PLEKHA8: variants seen among roughly 807,000 people sequenced by gnomAD.
PLEKHA8 encodes pleckstrin homology domain-containing family A member 8.
In PLEKHA8, 36 loss-of-function variants were observed where a neutral mutation model predicts 68.2. The observed-to-expected ratio is 0.53, with a 90% CI of 0.40 to 0.70. The LOEUF (loss-of-function observed/expected upper bound fraction) is 0.70, where lower values mean the gene tolerates loss of function less well. Among genes scored for constraint, PLEKHA8 ranks in the 30% least tolerant of loss-of-function variants. The pLI is 0.00. For missense variants in PLEKHA8, 505 were observed against 615.4 expected (o/e 0.82, Z 1.90); for synonymous variants, 211 against 216.1 (o/e 0.98, Z 0.20).
At chr7:30,030,116 A>G (rs1258747052) in intron 1 of PLEKHA8, among the ~76,000 whole-genome samples, 4 of 152,190 alleles carry the variant, frequency 2.6e-5, no homozygotes, top group African/African-American at 9.6e-5. Flanking sequence ...ACCTAAGGGG[A>G]GGAGGCTCGA....
intron 11 of PLEKHA8, 26 bp from the exon 12 acceptor site, chr7:30,062,646 A>G (rs1475183996): frequency 6.4e-7 from 1 of 1,550,632 alleles, no homozygotes; most frequent in Non-Finnish European, 8.9e-7. Flanking sequence ...TTTGAAAATA[A>G]TATTTCTTCC....
intron 12 of PLEKHA8, 74 bp downstream of exon 12, chr7:30,062,816 T>A: frequency 9.4e-7 from 1 of 1,064,966 alleles, no homozygotes; most frequent in African/African-American, 1.6e-5. Flanking sequence ...GGATACAGGG[T>A]ATAGGGGATA....
chr7:30,115,591 G>T (rs13244391), intron 13 of PLEKHA8, among the ~76,000 whole-genome samples: 1 of 130,650 alleles, frequency 7.7e-6, no homozygotes, highest in African/African-American at 2.6e-5. Context: ...TATACATGTA[G>T]ACATGTATAC....
chr7:30,047,693 C>G, intron 3 of PLEKHA8, 139 bp from the exon 4 acceptor site: 1 of 842,542 alleles, frequency 1.2e-6, no homozygotes, highest in Non-Finnish European at 1.7e-6. Context: ...CATTTGCAAC[C>G]CATACTTTAA....
chr7:30,074,581 T>C (rs1022824411), intron 13 of PLEKHA8, among the ~76,000 whole-genome samples: 11 of 152,140 alleles, frequency 7.2e-5, no homozygotes, highest in Admixed American at 5.9e-4. Flanking sequence ...ATACTTATCA[T>C]TGAAGGGAAA....
At chr7:30,078,251 T>C (rs540125171) in intron 13 of PLEKHA8, among the ~76,000 whole-genome samples, 1 of 152,244 alleles carries the variant, frequency 6.6e-6, no homozygotes, top group Admixed American at 6.5e-5. Flanking sequence ...GCATATAGAT[T>C]CTGAGGATTT....
At chr7:30,113,187 C>T (rs1370792085) in intron 13 of PLEKHA8, among the ~76,000 whole-genome samples, 2 of 152,120 alleles carry the variant, frequency 1.3e-5, no homozygotes, top group East Asian at 3.9e-4. Context: ...TTAGTTCTTG[C>T]TTTCTGCATC....
intron 13 of PLEKHA8, among the ~76,000 whole-genome samples, chr7:30,108,083 A>AC (rs1554281877): frequency 1.4e-5 from 2 of 144,460 alleles, no homozygotes; most frequent in African/African-American, 2.5e-5. Context: ...AAAAAAAAAA[A>AC]AAAAAAAAAC....
At chr7:30,056,789 A>G (rs866973373) in intron 9 of PLEKHA8, among the ~76,000 whole-genome samples, 46 of 135,208 alleles carry the variant, frequency 3.4e-4, no homozygotes, top group South Asian at 1.6e-3. Flanking sequence ...GTGTGTGTAT[A>G]TATATATGTT....
intron 13 of PLEKHA8, among the ~76,000 whole-genome samples, chr7:30,110,596 C>T (rs1043191556): frequency 3.9e-5 from 6 of 152,148 alleles, no homozygotes; most frequent in Admixed American, 6.5e-5. Flanking sequence ...GAGGAACTTC[C>T]GAAGTGTTTT....
At position 30,084,206 on chromosome 7, in the gene PLEKHA8, G is replaced by T. The variant is rs1562540298; in HGVS notation, c.*5419G>T. On this transcript the variant is annotated 3_prime_UTR_variant, in exon 14 of 14. Coordinates refer to ENST00000449726, the MANE Select transcript of PLEKHA8 (RefSeq NM_001197026.2). ...TAGACCAGATGCCAAAGGCTAAAAT[G>T]TACATAGATTTCCTTGGATTAATTT... is the stretch of plus-strand genomic sequence containing the variant. 11 of 985,212 alleles carry T rather than the reference G, an allele frequency of 1.1e-5. No individual in the cohort carries two copies. The highest frequency in any genetic ancestry group is 1.3e-5 in the Non-Finnish European group (11 of 829,738). The allele number at this position is 985,212 out of a possible 1,614,324, so 61.0% of individuals were successfully genotyped here.
chr7:30,114,552 T>C (rs1459040065), intron 13 of PLEKHA8, among the ~76,000 whole-genome samples: 2 of 152,248 alleles, frequency 1.3e-5, no homozygotes, highest in African/African-American at 4.8e-5. Context: ...AGCATGTTTA[T>C]TTTACATTCC....
intron 13 of PLEKHA8, among the ~76,000 whole-genome samples, chr7:30,115,606 ATT>A (rs1158870504): frequency 6.6e-6 from 1 of 150,836 alleles, no homozygotes; most frequent in Non-Finnish European, 1.5e-5. Flanking sequence ...GTATACATAC[ATT>A]TATACATGCA....
intron 12 of PLEKHA8, among the ~76,000 whole-genome samples, chr7:30,071,448 G>A (rs1319031284): frequency 6.6e-6 from 1 of 152,136 alleles, no homozygotes; most frequent in Non-Finnish European, 1.5e-5. Flanking sequence ...AATTCTTTGT[G>A]TCCACACGCC....
chr7:30,095,432 A>G (rs991022018), downstream of PLEKHA8, among the ~76,000 whole-genome samples: 64 of 152,120 alleles, frequency 4.2e-4, no homozygotes, highest in African/African-American at 1.4e-3. Flanking sequence ...TTAGCCCTTT[A>G]TCAGATGAGT....
At chr7:30,078,497 G>T in intron 13 of PLEKHA8, 93 bp from the exon 14 acceptor site, 1 of 1,320,768 alleles carries the variant, frequency 7.6e-7, no homozygotes, top group Non-Finnish European at 1.1e-6. Context: ...GTTTGTATGT[G>T]TGAAAGTATG....
intron 7 of PLEKHA8, among the ~76,000 whole-genome samples, chr7:30,053,475 TAAG>T (rs1331859417): frequency 6.6e-6 from 1 of 152,184 alleles, no homozygotes; most frequent in Admixed American, 6.5e-5. Context: ...TACCTTGAAA[TAAG>T]AGACCTTATT....
In PLEKHA8 at chr7:30,118,197, G is replaced by C. The variant is rs1381689696; in HGVS notation, c.1363-11069G>C. 7 of 437,728 alleles carry C rather than the reference G, an allele frequency of 1.6e-5. No homozygotes were observed. The Admixed American group carries it at 2.2e-4, about 14-fold the overall frequency. 27.1% of individuals were successfully genotyped at this position (437,728 alleles called of 1,614,324 possible). On this transcript the variant is annotated intron_variant, in intron 13 of 13. Transcript: ENST00000396257. ...AAGGAAGTATGTGAGAGTATCCTGA[G>C]TTAAGTGAGATCTAAAATGCCTGAG... is the stretch of plus-strand genomic sequence containing the variant.
rs574935165 is a variant in PLEKHA8 at position 30,115,826 on chromosome 7, G to A, written c.1363-13440G>A. On this transcript the variant is annotated intron_variant, in intron 13 of 13. Coordinates refer to the PLEKHA8 transcript ENST00000396257. ...TATACACGCATGCATGTATACATGC[G>A]TGCACATACATGTATACACGTATGC... is the stretch of plus-strand genomic sequence containing the variant. 1.4e-4 allele frequency: 19 copies of A among 140,618 alleles called. No individual in the cohort carries two copies. In the East Asian group the frequency reaches 2.9e-3, roughly 21 times the overall value. The allele number at this position is 140,618 out of a possible 1,614,324, so 8.7% of individuals were successfully genotyped here. A position where few individuals can be genotyped will look rare whatever the true frequency, so the allele number is the denominator to read the frequency against.
Sources: allele counts gnomAD v4.1 joint callset (sites outside exome capture counted in the v4.1 genomes callset), GRCh38; gene constraint gnomAD v4.1.1; transcripts MANE v1.5; gene names NCBI Gene and HGNC (gene_info 2026-07-23, HGNC 2026-07-21).